The following LDLRAD4 variants were observed in gnomAD, a reference collection of about 807,000 sequenced individuals.
LDLRAD4 encodes low density lipoprotein receptor class A domain containing 4.
Under a neutral mutation model 17.0 loss-of-function variants are expected in LDLRAD4, and 5 were observed. The ratio of observed to expected loss-of-function variants is 0.29; its 90% CI spans 0.15 to 0.62. The LOEUF (loss-of-function observed/expected upper bound fraction) is 0.62, where lower values mean the gene tolerates loss of function less well. LDLRAD4 is among the 20% of genes least tolerant of loss of function. The pLI, the probability that LDLRAD4 is intolerant of heterozygous loss-of-function variation, is 0.84. For synonymous variants in LDLRAD4, 168 were observed against 171.8 expected (o/e 0.98, Z 0.17); for missense variants, 340 against 424.7 (o/e 0.80, Z 1.75).
chr18:13,605,288 G>A (rs1368633667), intron 3 of LDLRAD4, among the ~76,000 whole-genome samples: 1 of 152,246 alleles, frequency 6.6e-6, no homozygotes, highest in African/African-American at 2.4e-5. Flanking sequence ...CACAATCACA[G>A]CTCACTGCAC....
intron 1 of LDLRAD4, among the ~76,000 whole-genome samples, chr18:13,374,007 G>A (rs2084706685): frequency 6.6e-6 from 1 of 151,724 alleles, no homozygotes; most frequent in Non-Finnish European, 1.5e-5. Context: ...CAAACGTGTG[G>A]AAATGTGTGA....
chr18:13,256,896 C>T (rs1265663267), intron 1 of LDLRAD4, among the ~76,000 whole-genome samples: 4 of 151,108 alleles, frequency 2.6e-5, no homozygotes, highest in African/African-American at 7.4e-5. Context: ...TGCCATTTGG[C>T]GGAATTTGGT....
intron 4 of LDLRAD4, chr18:13,642,795 C>T: frequency 1.7e-6 from 2 of 1,196,242 alleles, no homozygotes; most frequent in Non-Finnish European, 2.1e-6. Flanking sequence ...CAAATCTAAT[C>T]TGGCCAGGAG....
chr18:13,473,661 A>ATG (rs2092846744), intron 3 of LDLRAD4, among the ~76,000 whole-genome samples: 2 of 107,980 alleles, frequency 1.9e-5, no homozygotes, highest in Admixed American at 2.2e-4. Context: ...ATATATATAT[A>ATG]TATATATATA....
intron 3 of LDLRAD4, among the ~76,000 whole-genome samples, chr18:13,444,521 G>A (rs905024191): frequency 6.6e-6 from 1 of 152,260 alleles, no homozygotes; most frequent in Middle Eastern, 3.4e-3. Flanking sequence ...TTAAGTTTTC[G>A]GGGAGTTGAA....
At chr18:13,505,407 C>T (rs900751233) in intron 3 of LDLRAD4, among the ~76,000 whole-genome samples, 1 of 152,200 alleles carries the variant, frequency 6.6e-6, no homozygotes, top group African/African-American at 2.4e-5. Flanking sequence ...GCTGCCCTGA[C>T]CTTTAAGCAT....
chr18:13,369,337 A>C (rs2084291713), intron 1 of LDLRAD4, among the ~76,000 whole-genome samples: 1 of 152,154 alleles, frequency 6.6e-6, no homozygotes, highest in Non-Finnish European at 1.5e-5. Flanking sequence ...CAGAAAAGGG[A>C]AAAATATGCG....
chr18:13,516,278 A>C (rs1188765474), intron 3 of LDLRAD4, among the ~76,000 whole-genome samples: 1 of 152,210 alleles, frequency 6.6e-6, no homozygotes, highest in Non-Finnish European at 1.5e-5. Flanking sequence ...ACAGTAACAA[A>C]CTTCGAATGA....
chr18:13,397,764 G>A (rs1031100904), intron 2 of LDLRAD4, among the ~76,000 whole-genome samples: 15 of 152,182 alleles, frequency 9.9e-5, no homozygotes, highest in African/African-American at 2.4e-4. Context: ...AGCACTCCTC[G>A]TACTGGGAGT....
At chr18:13,278,570 T>C (rs2045041061) in intron 1 of LDLRAD4, among the ~76,000 whole-genome samples, 1 of 152,216 alleles carries the variant, frequency 6.6e-6, no homozygotes, top group South Asian at 2.1e-4. Context: ...TTCTGTCTCA[T>C]TGTCAGGCTT....
At chr18:13,224,406 C>G (rs1368317547) in intron 1 of LDLRAD4, among the ~76,000 whole-genome samples, 1 of 151,364 alleles carries the variant, frequency 6.6e-6, no homozygotes, top group Admixed American at 6.6e-5. Flanking sequence ...CCCCCACCAG[C>G]TGTCTCTTCA....
chr18:13,449,074 A>G (rs1388269140), intron 3 of LDLRAD4, among the ~76,000 whole-genome samples: 1 of 152,242 alleles, frequency 6.6e-6, no homozygotes, highest in African/African-American at 2.4e-5. Context: ...CTTCCTTCCC[A>G]GAAAGAAAAC....
intron 1 of LDLRAD4, among the ~76,000 whole-genome samples, chr18:13,386,126 T>C (rs993697577): frequency 6.6e-6 from 1 of 152,248 alleles, no homozygotes; most frequent in African/African-American, 2.4e-5. Flanking sequence ...TAAGTTCTTT[T>C]TCTTTAGTTT....
intron 1 of LDLRAD4, among the ~76,000 whole-genome samples, chr18:13,316,562 G>A (rs148913454): frequency 1.1e-3 from 169 of 152,366 alleles, no homozygotes; most frequent in Middle Eastern, 6.8e-3. Context: ...GTTCTGAGTG[G>A]ACAGCGACTA....
At chr18:13,508,318 A>C (rs1377655075) in intron 3 of LDLRAD4, among the ~76,000 whole-genome samples, 1 of 152,282 alleles carries the variant, frequency 6.6e-6, no homozygotes, top group Non-Finnish European at 1.5e-5. Flanking sequence ...TAGAAGCTGC[A>C]GCAGGTTATC....
At chr18:13,310,237 A>G (rs1188139492) in intron 1 of LDLRAD4, among the ~76,000 whole-genome samples, 1 of 150,738 alleles carries the variant, frequency 6.6e-6, no homozygotes, top group Admixed American at 6.6e-5. Flanking sequence ...GTTGTCCTAG[A>G]CACTTAGGAG....
intron 5 of LDLRAD4, among the ~76,000 whole-genome samples, chr18:13,643,838 GAT>G (rs1304493737): frequency 6.6e-6 from 1 of 152,158 alleles, no homozygotes; most frequent in Non-Finnish European, 1.5e-5. Context: ...TACGTGTGTA[GAT>G]ATGTGTGTAT....
At chr18:13,478,667 G>A (rs2093008519) in intron 3 of LDLRAD4, among the ~76,000 whole-genome samples, 1 of 152,202 alleles carries the variant, frequency 6.6e-6, no homozygotes, top group African/African-American at 2.4e-5. Context: ...TTCATGGATA[G>A]GAAGACTTAA....
chr18:13,272,745 G>A (rs1426328262), intron 1 of LDLRAD4, among the ~76,000 whole-genome samples: 1 of 152,206 alleles, frequency 6.6e-6, no homozygotes, highest in African/African-American at 2.4e-5. Flanking sequence ...ACTCTGCATG[G>A]CAGCCTTGTA....
Sources: allele counts gnomAD v4.1 joint callset (sites outside exome capture counted in the v4.1 genomes callset), GRCh38; gene constraint gnomAD v4.1.1; transcripts MANE v1.5; gene names NCBI Gene and HGNC (gene_info 2026-07-23, HGNC 2026-07-21).